APLP1: variants seen among roughly 807,000 people sequenced by gnomAD.
The protein encoded by APLP1 is amyloid beta precursor like protein 1, also known as amyloid beta (A4) precursor-like protein 1.
APLP1 carries 46 observed loss-of-function variants against 84.5 expected under a neutral mutation model. The ratio of observed to expected loss-of-function variants is 0.54; its 90% CI spans 0.43 to 0.70. APLP1 has a LOEUF of 0.70. Ranked by LOEUF, APLP1 falls within the 30% of genes least tolerant of loss-of-function variation. The pLI is 0.00. For missense variants in APLP1, 826 were observed against 900.2 expected, an observed-to-expected ratio of 0.92 and a Z score of 1.05; for synonymous variants, 376 against 364.0, an observed-to-expected ratio of 1.03 and a Z score of -0.38.
intron 3 of APLP1, 46 bp downstream of exon 3, chr19:35,871,074 G>A (rs1368955839): frequency 6.7e-7 from 1 of 1,498,746 alleles, no homozygotes; most frequent in African/African-American, 1.4e-5. Context: ...GAGTTTCTGA[G>A]GGGCAAGGTT....
chr19:35,868,747 C>G lies in APLP1; in HGVS notation c.111C>G (p.Ile37Met). The change falls in exon 1 of 17, where the codon ATC (isoleucine) becomes ATG (methionine). Residue 37 changes from isoleucine (I) to methionine (M), a missense_variant. Transcript: ENST00000221891. The surrounding 1 kb of genome is among the most constrained non-coding windows in gnomAD (Gnocchi z 5.2). Reference protein sequence around the residue: ...LLLLLRAQPAIGSLAGGSPGA... With the variant: ...LLLLLRAQPAMGSLAGGSPGA... ...TGCTTCTGCGCGCGCAGCCCGCCATCGGGAGCCTGGCCGGTGGGAGCCCCG... is the reference window on the plus strand; with the variant it reads ...TGCTTCTGCGCGCGCAGCCCGCCATGGGGAGCCTGGCCGGTGGGAGCCCCG... 7.4e-7 allele frequency: 1 copy of G among 1,343,622 alleles called. No individual in the cohort carries two copies. The highest frequency in any genetic ancestry group is 9.5e-7 in the Non-Finnish European group (1 of 1,050,286). The allele number at this position is 1,343,622 out of a possible 1,614,324, so 83.2% of individuals were successfully genotyped here. A position where few individuals can be genotyped will look rare whatever the true frequency, so the allele number is the denominator to read the frequency against.
chr19:35,872,140 G>C, intron 6 of APLP1, 104 bp downstream of exon 6: 1 of 1,361,238 alleles, frequency 7.3e-7, no homozygotes, highest in South Asian at 1.4e-5. Context: ...TAGGGGAAAG[G>C]CCCAACTGAG....
chr19:35,874,765 C>A lies in APLP1; in HGVS notation c.1240C>A (p.Arg414=), dbSNP rs149513227. The change falls in exon 10 of 17, where the codon CGG becomes AGG. Residue 414 remains arginine (R), a synonymous_variant. Coordinates refer to ENST00000221891, the MANE Select transcript of APLP1 (RefSeq NM_001024807.3). The surrounding 1 kb of genome is among the most constrained non-coding windows in gnomAD (Gnocchi z 6.4). ...GGCGGAGCGTGTCCTGTTGGCCCTG[C>A]GGCGCTACCTGCGTGCGGAGCAGAA... The part of the protein sequence containing the change: ...PQAERVLLAL[R]RYLRAEQKEQ... The A allele has an allele frequency of 1.2e-6, 2 of 1,613,422 alleles. No homozygotes were observed. Among genetic ancestry groups the A allele is most frequent in the East Asian group, 4.5e-5 (2 of 44,880 alleles).
Position 35,872,594 on chromosome 19 carries a change from G to A in APLP1, c.962G>A (p.Arg321Lys), listed in dbSNP as rs758767384. 5.0e-6 allele frequency: 8 copies of A among 1,613,424 alleles called. No individual in the cohort carries two copies. In the East Asian group the frequency reaches 1.6e-4, roughly 31 times the overall value. The change falls in exon 7 of 17, where the codon AGG becomes AAG. Residue 321 changes from arginine (R) to lysine (K), a missense_variant. Around this residue, in one of 3 missense-constraint regions of APLP1, gnomAD observed 433 missense variants for 496.5 expected, o/e 0.87. Coordinates refer to ENST00000221891, the MANE Select transcript of APLP1 (RefSeq NM_001024807.3). ...GCCAAGATGGACCTGGAGGAGCGTA[G>A]GATGCGCCAGATTAATGAGGTGATA... is the stretch of plus-strand genomic sequence containing the variant. ...LRAKMDLEERRMRQINEVMRE... is the reference protein window; with the variant it reads ...LRAKMDLEERKMRQINEVMRE...
In APLP1 at chr19:35,874,861, C is replaced by T. The variant is rs367756339; in HGVS notation, c.1336C>T (p.Arg446Cys). The T allele has an allele frequency of 1.6e-5, 25 of 1,608,106 alleles. No individual in the cohort carries two copies. The highest frequency in any genetic ancestry group is 1.9e-5 in the Non-Finnish European group (23 of 1,179,834). Reference sequence around the variant, plus strand: ...GGATCCCGAGAAGGCACAGCAGATGCGCTTCCAGGTGCTCACATCCTTCCA... The same window carrying T: ...GGATCCCGAGAAGGCACAGCAGATGTGCTTCCAGGTGCTCACATCCTTCCA... ...AVDPEKAQQM[R>C]FQVHTHLQVI... Residue 446 changes from arginine (R) to cysteine (C), a missense_variant, in exon 10 of 17, where the codon CGC becomes TGC. By Grantham distance (180) the Arg-to-Cys change is radical (BLOSUM62 -3). Coordinates refer to ENST00000221891, the MANE Select transcript of APLP1 (RefSeq NM_001024807.3). This position sits in a 1 kb window ranked among gnomAD's most constrained non-coding sequence, Gnocchi z 6.4.
intron 14 of APLP1, 53 bp downstream of exon 14, chr19:35,878,707 A>G (rs1974337443): frequency 1.3e-6 from 2 of 1,599,950 alleles, no homozygotes; most frequent in Admixed American, 1.7e-5. Context: ...CGGGGCCTAT[A>G]TGGCTGGGTA....
intron 11 of APLP1, among the ~76,000 whole-genome samples, chr19:35,877,445 C>T (rs1974307591): frequency 6.7e-6 from 1 of 148,588 alleles, no homozygotes. Context: ...GCTGAGATCG[C>T]ATCATTGCAC....
At chr19:35,869,463 C>A (rs1451113102) in intron 1 of APLP1, 4 of 717,210 alleles carry the variant, frequency 5.6e-6, no homozygotes, top group Non-Finnish European at 9.4e-6. Context: ...CCCGGGGGAC[C>A]CAGGTCGCCA....
intron 7 of APLP1, among the ~76,000 whole-genome samples, chr19:35,872,862 TTTG>T (rs1002229575): frequency 5.9e-5 from 9 of 151,722 alleles, no homozygotes; most frequent in African/African-American, 1.7e-4. Flanking sequence ...TTTTTTTTCT[TTTG>T]TTGTTGTTGT....
At chr19:35,876,403 A>T in intron 10 of APLP1, 114 bp from the exon 11 acceptor site, 1 of 874,632 alleles carries the variant, frequency 1.1e-6, no homozygotes, top group Non-Finnish European at 1.9e-6. Flanking sequence ...CATCCTGTCC[A>T]TTGCATGTGC....
In APLP1 at chr19:35,879,601, A is replaced by G; in HGVS notation, c.*160A>G. On this transcript the variant is annotated 3_prime_UTR_variant, in exon 17 of 17. Coordinates refer to ENST00000221891, the MANE Select transcript of APLP1 (RefSeq NM_001024807.3). ...TTCTTATTTCCCCTTTCCAATTCCA[A>G]AATTCCATCCCTAAGAATTCCCAGA... 1 of 630,302 alleles carries G rather than the reference A, an allele frequency of 1.6e-6. No homozygotes were observed. The highest frequency in any genetic ancestry group is 2.7e-6 in the Non-Finnish European group (1 of 370,482). The allele number at this position is 630,302 out of a possible 1,614,324, so 39.0% of individuals were successfully genotyped here.
Position 35,871,811 on chromosome 19 carries a change from G to T in APLP1, c.672-47G>T, listed in dbSNP as rs747604850. On this transcript the variant is annotated intron_variant, in intron 5 of 16. Coordinates refer to ENST00000221891, the MANE Select transcript of APLP1 (RefSeq NM_001024807.3). ...TGAGGCAGGGGATGGAAGCCTGGGA[G>T]CCCAGGCCTGGGTTCTTACTGCCTG... 3 of 1,612,836 alleles carry T rather than the reference G, an allele frequency of 1.9e-6. No homozygotes were observed. In the East Asian group the frequency reaches 6.7e-5, roughly 36 times the overall value.
intron 7 of APLP1, among the ~76,000 whole-genome samples, chr19:35,873,373 G>A (rs768733671): frequency 1.4e-4 from 21 of 150,348 alleles, no homozygotes; most frequent in South Asian, 2.1e-4. Flanking sequence ...TCAGCCTCCC[G>A]AGTAGCTGGG....
At position 35,870,659 on chromosome 19, in the gene APLP1, C is replaced by T. The variant is rs532992090; in HGVS notation, c.292-237C>T. The T allele has an allele frequency of 2.0e-5, 10 of 501,576 alleles. No individual in the cohort carries two copies. The South Asian group carries it at 2.8e-4, about 14-fold the overall frequency. 31.1% of individuals were successfully genotyped at this position (501,576 alleles called of 1,614,324 possible). A position where few individuals can be genotyped will look rare whatever the true frequency, so the allele number is the denominator to read the frequency against. ...ATTAGCCTGGCATGGTGGTGCGTGC[C>T]TGTAATCCCAGCTACTCAGGAGGCT... is the stretch of plus-strand genomic sequence containing the variant. On this transcript the variant is annotated intron_variant, in intron 2 of 16. Coordinates refer to ENST00000221891, the MANE Select transcript of APLP1 (RefSeq NM_001024807.3).
Position 35,879,149 on chromosome 19 carries a change from A to G in APLP1, c.1789A>G (p.Ile597Val), listed in dbSNP as rs780314196. 8.7e-6 allele frequency: 14 copies of G among 1,612,580 alleles called. No individual in the cohort carries two copies. Among genetic ancestry groups the G allele is most frequent in the South Asian group, 4.4e-5 (4 of 91,086 alleles). ...LIMGAGGGSL[I>V]VLSMLLLRRK... ...CATGGGAGCGGGCGGAGGCTCCCTC[A>G]TCGTCCTCTCCATGCTGCTCCTGCG... The change falls in exon 16 of 17, where the codon ATC becomes GTC. Residue 597 changes from isoleucine to valine, a missense_variant. Around this residue, in one of 3 missense-constraint regions of APLP1, gnomAD observed 433 missense variants for 496.5 expected, o/e 0.87. Transcript: ENST00000221891.
At chr19:35,870,737 T>A (rs780556486) in intron 2 of APLP1, 159 bp from the exon 3 acceptor site, 1 of 1,041,442 alleles carries the variant, frequency 9.6e-7, no homozygotes, top group African/African-American at 1.6e-5. Flanking sequence ...TGAGCCGAGA[T>A]TGTACCATTC....
intron 3 of APLP1, 87 bp downstream of exon 3, chr19:35,871,115 G>A: frequency 2.0e-6 from 3 of 1,511,220 alleles, no homozygotes; most frequent in South Asian, 2.6e-5. Context: ...TACATTAAGG[G>A]GCTGGGTGCT....
chr19:35,874,745 A>G lies in APLP1; in HGVS notation c.1220A>G (p.Glu407Gly). 1 of 1,613,214 alleles carries G rather than the reference A, an allele frequency of 6.2e-7. No individual in the cohort carries two copies. Among genetic ancestry groups the G allele is most frequent in the Non-Finnish European group, 8.5e-7 (1 of 1,179,512 alleles). Residue 407 changes from glutamate (E) to glycine (G), a missense_variant, in exon 10 of 17, where the codon GAG becomes GGG. By Grantham distance (98) the Glu-to-Gly change is moderately conservative. Coordinates refer to ENST00000221891, the MANE Select transcript of APLP1 (RefSeq NM_001024807.3). The surrounding 1 kb of genome is among the most constrained non-coding windows in gnomAD (Gnocchi z 6.4). ...CATCCTGTGTCCCTTCCACAGGCGG[A>G]GCGTGTCCTGTTGGCCCTGCGGCGC... ...AALQADPPQAERVLLALRRYL... is the reference protein window; with the variant it reads ...AALQADPPQAGRVLLALRRYL...
chr19:35,868,663 C>CG lies in APLP1; in HGVS notation c.29dup (p.Leu11SerfsTer134). The CG allele has an allele frequency of 7.2e-7, 1 of 1,390,422 alleles. No homozygotes were observed. The highest frequency in any genetic ancestry group is 9.3e-7 in the Non-Finnish European group (1 of 1,075,480). The allele number at this position is 1,390,422 out of a possible 1,614,324, so 86.1% of individuals were successfully genotyped here. On this transcript the variant is annotated frameshift_variant, in exon 1 of 17. Transcript: ENST00000221891. LOFTEE classifies it high-confidence loss of function. This position sits in a 1 kb window ranked among gnomAD's most constrained non-coding sequence, Gnocchi z 5.2. ...TGGGGCCCGCCAGCCCCGCTGCTCGCGGTCTAAGTCGCCGCCCGGGCCAGC... is the reference window on the plus strand; with the variant it reads ...TGGGGCCCGCCAGCCCCGCTGCTCGCGGGTCTAAGTCGCCGCCCGGGCCAGC...
Sources: gnomAD v4.1 joint callset for allele counts (sites outside exome capture counted in the v4.1 genomes callset) on GRCh38, gnomAD v4.1.1 for gene constraint, gnomAD v4.1.1 regional missense constraint, Gnocchi (gnomAD v3.1) non-coding constraint, MANE v1.5 for transcripts, NCBI Gene and HGNC (gene_info 2026-07-23, HGNC 2026-07-21) for gene names.